Variants in LCLAT1 observed in about 807,000 individuals in gnomAD.
The protein encoded by LCLAT1 is lysocardiolipin acyltransferase 1.
A neutral mutation model predicts 30.7 loss-of-function variants in LCLAT1; 11 were observed. The ratio of observed to expected loss-of-function variants is 0.36; its 90% CI spans 0.23 to 0.59. LCLAT1 has a LOEUF of 0.59. LCLAT1 is among the 20% of genes least tolerant of loss of function. The pLI, the probability that LCLAT1 is intolerant of heterozygous loss-of-function variation, is 0.77. For missense variants in LCLAT1, 402 were observed against 458.6 expected (o/e 0.88, Z 1.13); for synonymous variants, 155 against 151.3 (o/e 1.02, Z -0.18).
chr2:30,571,071 T>C (rs1665757756), intron 5 of LCLAT1, among the ~76,000 whole-genome samples: 1 of 152,206 alleles, frequency 6.6e-6, no homozygotes, highest in African/African-American at 2.4e-5. Context: ...ATAGATTTAT[T>C]TGAGTTTTAG....
At chr2:30,463,211 A>G (rs1282712168) in intron 1 of LCLAT1, among the ~76,000 whole-genome samples, 1 of 152,072 alleles carries the variant, frequency 6.6e-6, no homozygotes, top group East Asian at 1.9e-4. Flanking sequence ...ATAGTTGATA[A>G]CCATGTTTAT....
At chr2:30,594,448 A>T (rs1308445168) in intron 5 of LCLAT1, among the ~76,000 whole-genome samples, 2 of 152,122 alleles carry the variant, frequency 1.3e-5, no homozygotes, top group Non-Finnish European at 2.9e-5. Flanking sequence ...GATGAGTGTG[A>T]TCCTTGATTA....
intron 5 of LCLAT1, among the ~76,000 whole-genome samples, chr2:30,588,786 G>T (rs140432899): frequency 1.3e-5 from 2 of 152,128 alleles, no homozygotes; most frequent in Non-Finnish European, 2.9e-5. Context: ...TTTTAGTCGA[G>T]ACAGGGTTTC....
intron 1 of LCLAT1, among the ~76,000 whole-genome samples, chr2:30,516,481 A>G (rs1344403093): frequency 6.6e-6 from 1 of 152,180 alleles, no homozygotes; most frequent in Non-Finnish European, 1.5e-5. Flanking sequence ...GGCTAAGTGC[A>G]TGCATTCATC....
At chr2:30,549,268 C>T (rs1664569532) in intron 3 of LCLAT1, among the ~76,000 whole-genome samples, 2 of 152,084 alleles carry the variant, frequency 1.3e-5, no homozygotes. Flanking sequence ...ATTGGATATC[C>T]TGTTGATGTG....
intron 4 of LCLAT1, among the ~76,000 whole-genome samples, chr2:30,567,254 TAA>T (rs1314310328): frequency 1.3e-5 from 2 of 152,234 alleles, no homozygotes; most frequent in Non-Finnish European, 2.9e-5. Flanking sequence ...TTAAACAAAT[TAA>T]AAGATATGAA....
intron 1 of LCLAT1, among the ~76,000 whole-genome samples, chr2:30,485,048 T>C (rs149797741): frequency 1.1e-3 from 164 of 152,282 alleles, no homozygotes; most frequent in African/African-American, 3.8e-3. Flanking sequence ...CAGACTGCTA[T>C]ATGGTACTAA....
At chr2:30,592,343 G>A (rs534311597) in intron 5 of LCLAT1, among the ~76,000 whole-genome samples, 2 of 152,282 alleles carry the variant, frequency 1.3e-5, no homozygotes, top group East Asian at 1.9e-4. Flanking sequence ...AGCCAGGCAT[G>A]GTGGCACATG....
chr2:30,487,109 G>A (rs948125263), intron 1 of LCLAT1, among the ~76,000 whole-genome samples: 1 of 152,174 alleles, frequency 6.6e-6, no homozygotes, highest in African/African-American at 2.4e-5. Flanking sequence ...AAGATGGTAT[G>A]CATTTAATTT....
chr2:30,584,510 T>A (rs912497163), intron 5 of LCLAT1, among the ~76,000 whole-genome samples: 1 of 152,212 alleles, frequency 6.6e-6, no homozygotes, highest in Non-Finnish European at 1.5e-5. Flanking sequence ...TTAAAGAATA[T>A]CACTGCTTTG....
At chr2:30,540,667 C>CTT (rs563391404) in intron 3 of LCLAT1, among the ~76,000 whole-genome samples, 2 of 142,836 alleles carry the variant, frequency 1.4e-5, no homozygotes, top group Non-Finnish European at 3.1e-5. Context: ...CTTTTCCTTT[C>CTT]TTTTTTTTTT....
chr2:30,595,209 A>G (rs1004388255), intron 5 of LCLAT1, among the ~76,000 whole-genome samples: 1 of 151,930 alleles, frequency 6.6e-6, no homozygotes, highest in East Asian at 1.9e-4. Flanking sequence ...CTGCTCTGTA[A>G]TATGTTATTA....
chr2:30,510,924 A>G (rs1303454344), intron 1 of LCLAT1, among the ~76,000 whole-genome samples: 3 of 152,050 alleles, frequency 2.0e-5, no homozygotes, highest in Non-Finnish European at 4.4e-5. Context: ...CCACAAGAAC[A>G]TGTTATTGTT....
At chr2:30,516,553 A>G (rs1001792947) in intron 1 of LCLAT1, among the ~76,000 whole-genome samples, 5 of 152,144 alleles carry the variant, frequency 3.3e-5, no homozygotes, top group African/African-American at 4.8e-5. Flanking sequence ...CACGGCTTCT[A>G]ACAGAGCTAT....
Position 30,640,540 on chromosome 2 carries a change from G to T in LCLAT1, c.1052G>T (p.Gly351Val). Residue 351 changes from glycine to valine, a missense_variant, in exon 6 of 6, where the codon GGT becomes GTT. Physicochemically the swap from Gly to Val is moderately radical, Grantham distance 109 (BLOSUM62 -3). Transcript: ENST00000379509. ...TTTGTGCTGCAAGAGAGAATATTTG[G>T]TGGACTGGAGATCATAGAACTTGCA... is the stretch of plus-strand genomic sequence containing the variant. ...VIFVLQERIFGGLEIIELACY... is the reference protein window; with the variant it reads ...VIFVLQERIFVGLEIIELACY... 1 of 1,614,012 alleles carries T rather than the reference G, an allele frequency of 6.2e-7. No individual in the cohort carries two copies. The highest frequency in any genetic ancestry group is 8.5e-7 in the Non-Finnish European group (1 of 1,179,996).
chr2:30,572,413 C>G (rs1164171337), intron 5 of LCLAT1, among the ~76,000 whole-genome samples: 1 of 152,198 alleles, frequency 6.6e-6, no homozygotes, highest in Non-Finnish European at 1.5e-5. Flanking sequence ...TTTAAAAATA[C>G]AGATACTGAG....
At chr2:30,576,167 A>G (rs980053537) in intron 5 of LCLAT1, among the ~76,000 whole-genome samples, 3 of 152,182 alleles carry the variant, frequency 2.0e-5, no homozygotes, top group East Asian at 3.8e-4. Context: ...ACACTGAAAA[A>G]TGCTGATAAC....
intron 3 of LCLAT1, among the ~76,000 whole-genome samples, chr2:30,547,092 C>T (rs1664459937): frequency 6.6e-6 from 1 of 152,132 alleles, no homozygotes; most frequent in African/African-American, 2.4e-5. Context: ...TTGCTACCTA[C>T]AGTAGGTAAA....
intron 5 of LCLAT1, among the ~76,000 whole-genome samples, chr2:30,575,176 C>G (rs140806824): frequency 2.6e-5 from 4 of 152,238 alleles, no homozygotes; most frequent in African/African-American, 9.6e-5. Context: ...TTTCTGACCT[C>G]TCCAGGTTAT....
Sources: allele counts gnomAD v4.1 joint callset (sites outside exome capture counted in the v4.1 genomes callset), GRCh38; gene constraint gnomAD v4.1.1; transcripts MANE v1.5; gene names NCBI Gene and HGNC (gene_info 2026-07-23, HGNC 2026-07-21).